NTRK2: variants seen among roughly 807,000 people sequenced by gnomAD.
The protein encoded by NTRK2 is BDNF/NT-3 growth factors receptor.
NTRK2 carries 13 observed loss-of-function variants against 94.5 expected under a neutral mutation model. The ratio of observed to expected loss-of-function variants is 0.14; its 90% confidence interval spans 0.09 to 0.22. The LOEUF is 0.22. NTRK2 is among the 10% of genes least tolerant of loss of function. The probability of loss-of-function intolerance (pLI) is 1.00; values close to 1 mark genes in which losing one functional copy is unlikely to be tolerated. For synonymous variants in NTRK2, 372 were observed against 407.4 expected, an observed-to-expected ratio of 0.91 and a Z score of 1.05; for missense variants, 639 against 1,071.2, an observed-to-expected ratio of 0.60 and a Z score of 5.63.
chr9:84,913,358 T>G (rs1035915204), intron 14 of NTRK2, among the ~76,000 whole-genome samples: 1 of 152,154 alleles, frequency 6.6e-6, no homozygotes, highest in African/African-American at 2.4e-5. Flanking sequence ...CCACTTTACT[T>G]TCCCTTTCCA....
At chr9:84,980,415 C>T (rs750832575) in intron 17 of NTRK2, among the ~76,000 whole-genome samples, 14 of 152,146 alleles carry the variant, frequency 9.2e-5, no homozygotes, top group Non-Finnish European at 1.5e-4. Flanking sequence ...AAAATATGAA[C>T]ATTATTATGA....
In NTRK2 at chr9:84,727,559, G is replaced by A; in HGVS notation, c.854-95G>A. 2.5e-6 allele frequency: 3 copies of A among 1,224,208 alleles called. No individual in the cohort carries two copies. In the African/African-American group the frequency reaches 4.5e-5, roughly 18 times the overall value. The allele number at this position is 1,224,208 out of a possible 1,614,324, so 75.8% of individuals were successfully genotyped here. A position where few individuals can be genotyped will look rare whatever the true frequency, so the allele number is the denominator to read the frequency against. ...GATGTGTTTTTCTAAGCCAAACAAT[G>A]GTTGAGTAAAATTCCCTATCAATGA... On this transcript the variant is annotated intron_variant, in intron 8 of 18. Coordinates refer to ENST00000277120, the MANE Select transcript of NTRK2 (RefSeq NM_006180.6).
At chr9:84,722,716 G>A (rs1588164935) in intron 6 of NTRK2, among the ~76,000 whole-genome samples, 1 of 152,074 alleles carries the variant, frequency 6.6e-6, no homozygotes, top group African/African-American at 2.4e-5. Context: ...ACACTCAGTT[G>A]GTGTGATAAT....
intron 2 of NTRK2, among the ~76,000 whole-genome samples, chr9:84,693,018 C>G (rs998150375): frequency 6.6e-6 from 1 of 152,206 alleles, no homozygotes; most frequent in African/African-American, 2.4e-5. Flanking sequence ...GGCAGCACAG[C>G]TCGTGGTTGC....
At chr9:84,992,902 A>T (rs1829263467) in intron 17 of NTRK2, among the ~76,000 whole-genome samples, 1 of 74,134 alleles carries the variant, frequency 1.3e-5, no homozygotes, top group South Asian at 4.7e-4. Context: ...GTAAAGAGTT[A>T]AGAAAAAAAA....
At chr9:84,811,951 T>G (rs2071850642) in intron 12 of NTRK2, 1 of 942,566 alleles carries the variant, frequency 1.1e-6, no homozygotes, top group African/African-American at 2.1e-5. Context: ...TCAGGAGGAC[T>G]TCAGAGCCAG....
chr9:84,893,740 A>T (rs893421753), intron 14 of NTRK2, among the ~76,000 whole-genome samples: 10 of 152,166 alleles, frequency 6.6e-5, no homozygotes, highest in Non-Finnish European at 1.3e-4. Flanking sequence ...CCCAGAGGGG[A>T]GAATGGTGTG....
intron 12 of NTRK2, among the ~76,000 whole-genome samples, chr9:84,766,809 A>G (rs114019039): frequency 0.019 from 2,840 of 152,178 alleles, 84 homozygotes; most frequent in African/African-American, 0.065. Flanking sequence ...TTCACCACAT[A>G]CAACACACAC....
At chr9:84,996,073 T>C (rs1258834129) in intron 17 of NTRK2, among the ~76,000 whole-genome samples, 1 of 152,222 alleles carries the variant, frequency 6.6e-6, no homozygotes, top group Admixed American at 6.5e-5. Flanking sequence ...TTTTATATTG[T>C]GAAGTGATCA....
At chr9:84,741,253 A>T (rs1270728014) in intron 9 of NTRK2, among the ~76,000 whole-genome samples, 1 of 152,164 alleles carries the variant, frequency 6.6e-6, no homozygotes. Context: ...TAACTTTTAC[A>T]TTTCTCTCTG....
At chr9:84,766,627 T>C (rs963458761) in intron 12 of NTRK2, among the ~76,000 whole-genome samples, 7 of 151,844 alleles carry the variant, frequency 4.6e-5, no homozygotes, top group Admixed American at 6.6e-5. Flanking sequence ...AGCTTCATTT[T>C]GAGAGGAGAA....
intron 17 of NTRK2, among the ~76,000 whole-genome samples, chr9:85,000,720 A>G (rs1830243524): frequency 6.6e-6 from 1 of 152,240 alleles, no homozygotes; most frequent in South Asian, 2.1e-4. Flanking sequence ...GCGGGTGTAG[A>G]CATTCATGTG....
chr9:84,807,752 T>C (rs1171820651), intron 12 of NTRK2, among the ~76,000 whole-genome samples: 1 of 152,222 alleles, frequency 6.6e-6, no homozygotes, highest in Admixed American at 6.5e-5. Context: ...TTTTATAATA[T>C]GAGAGGGCAA....
At chr9:84,980,202 A>G (rs550723138) in intron 17 of NTRK2, among the ~76,000 whole-genome samples, 3 of 152,254 alleles carry the variant, frequency 2.0e-5, no homozygotes, top group Non-Finnish European at 2.9e-5. Flanking sequence ...AGTGATGTTT[A>G]TATTTTTGAT....
intron 17 of NTRK2, among the ~76,000 whole-genome samples, chr9:85,001,111 G>C (rs1050661982): frequency 5.9e-5 from 9 of 152,160 alleles, no homozygotes; most frequent in African/African-American, 1.9e-4. Context: ...TCTTACATCA[G>C]ATTCAAAGCT....
At chr9:84,724,474 T>G in intron 8 of NTRK2, 118 bp downstream of exon 8, 1 of 1,117,072 alleles carries the variant, frequency 9.0e-7, no homozygotes, top group South Asian at 1.2e-5. Context: ...ATGCAGTGTT[T>G]TGTGCATACT....
intron 17 of NTRK2, among the ~76,000 whole-genome samples, chr9:84,986,201 C>G (rs991683340): frequency 1.3e-5 from 2 of 152,118 alleles, no homozygotes; most frequent in Non-Finnish European, 2.9e-5. Flanking sequence ...CCCGCTGCCC[C>G]CCGACCCCTG....
chr9:84,910,367 C>G (rs1202809601), intron 14 of NTRK2, among the ~76,000 whole-genome samples: 3 of 152,112 alleles, frequency 2.0e-5, no homozygotes, highest in African/African-American at 7.2e-5. Flanking sequence ...CTCTTGTCTT[C>G]TTATGGCTGT....
At chr9:84,805,588 A>G (rs1281466758) in intron 12 of NTRK2, among the ~76,000 whole-genome samples, 3 of 152,188 alleles carry the variant, frequency 2.0e-5, no homozygotes, top group Non-Finnish European at 4.4e-5. Context: ...TGCATCCTTC[A>G]TTCTCCTTCA....
Sources: gnomAD v4.1 joint callset for allele counts (sites outside exome capture counted in the v4.1 genomes callset) on GRCh38, gnomAD v4.1.1 for gene constraint, MANE v1.5 for transcripts, NCBI Gene and HGNC (gene_info 2026-07-23, HGNC 2026-07-21) for gene names.